Variants in FAM13A observed in about 807,000 individuals in gnomAD.
FAM13A encodes protein FAM13A.
In FAM13A, 76 loss-of-function variants were observed where a neutral mutation model predicts 129.6. The observed-to-expected ratio is 0.59, with a 90% CI of 0.49 to 0.71. The LOEUF (loss-of-function observed/expected upper bound fraction) is 0.71, where lower values mean the gene tolerates loss of function less well. Among genes scored for constraint, FAM13A ranks in the 30% least tolerant of loss-of-function variants. FAM13A has a pLI of 0.00. For synonymous variants in FAM13A, 443 were observed against 449.9 expected, an observed-to-expected ratio of 0.98 and a Z score of 0.20; for missense variants, 1,108 against 1,249.3, an observed-to-expected ratio of 0.89 and a Z score of 1.70.
At chr4:88,883,314 C>G (rs1392789735) in intron 6 of FAM13A, among the ~76,000 whole-genome samples, 1 of 151,888 alleles carries the variant, frequency 6.6e-6, no homozygotes, top group Non-Finnish European at 1.5e-5. Context: ...ATCAAGTATG[C>G]TCTCAAGCCA....
At chr4:88,912,613 G>C (rs1749270291) in intron 5 of FAM13A, among the ~76,000 whole-genome samples, 1 of 148,686 alleles carries the variant, frequency 6.7e-6, no homozygotes, top group Non-Finnish European at 1.5e-5. Context: ...ACCTCCTATT[G>C]GTTTTCTCTG....
intron 7 of FAM13A, among the ~76,000 whole-genome samples, chr4:88,833,055 AG>A (rs1189467594): frequency 6.6e-6 from 1 of 152,248 alleles, no homozygotes; most frequent in Non-Finnish European, 1.5e-5. Context: ...AGTCGTAAAA[AG>A]GAACAAGATC....
At chr4:88,777,365 G>T (rs1160890375) in intron 11 of FAM13A, among the ~76,000 whole-genome samples, 1 of 152,122 alleles carries the variant, frequency 6.6e-6, no homozygotes, top group Non-Finnish European at 1.5e-5. Context: ...GAGGGAAGTT[G>T]AAACAGAAGC....
intron 5 of FAM13A, among the ~76,000 whole-genome samples, chr4:88,907,166 C>A (rs551926370): frequency 6.6e-6 from 1 of 152,094 alleles, no homozygotes; most frequent in Non-Finnish European, 1.5e-5. Context: ...GCCTCACTTC[C>A]GAATAGCCAT....
chr4:88,732,216 C>A lies in FAM13A; in HGVS notation c.2647-18G>T. ...TCTTCTTCCTGGAGATACACAGCAA[C>A]CCCAATAAAAATCTGGTCACTTTTT... On this transcript the variant is annotated intron_variant, in intron 21 of 23. Coordinates refer to ENST00000264344, the MANE Select transcript of FAM13A (RefSeq NM_014883.4). 1.3e-6 allele frequency: 2 copies of A among 1,566,448 alleles called. No homozygotes were observed. The highest frequency in any genetic ancestry group is 2.4e-5 in the South Asian group (2 of 84,340).
chr4:88,927,670 A>G (rs918923467), intron 5 of FAM13A, among the ~76,000 whole-genome samples: 13 of 151,638 alleles, frequency 8.6e-5, no homozygotes, highest in African/African-American at 3.2e-4. Flanking sequence ...ATAGTCTTTG[A>G]TGATTTTTTT....
intron 7 of FAM13A, among the ~76,000 whole-genome samples, chr4:88,809,976 T>G (rs1242453321): frequency 6.6e-6 from 1 of 152,098 alleles, no homozygotes; most frequent in African/African-American, 2.4e-5. Context: ...TTCTTTTTTG[T>G]AAACCCAGGC....
intron 11 of FAM13A, among the ~76,000 whole-genome samples, chr4:88,779,253 A>G (rs1722369260): frequency 6.6e-6 from 1 of 152,170 alleles, no homozygotes; most frequent in Admixed American, 6.6e-5. Flanking sequence ...TTTAAGCTAT[A>G]GAAACAAATG....
At chr4:88,777,769 C>A (rs1578608358) in intron 11 of FAM13A, among the ~76,000 whole-genome samples, 1 of 152,198 alleles carries the variant, frequency 6.6e-6, no homozygotes, top group South Asian at 2.1e-4. Context: ...CAGTTACTCT[C>A]CTACCATCTT....
intron 13 of FAM13A, among the ~76,000 whole-genome samples, chr4:88,767,063 T>C (rs1179443971): frequency 6.6e-6 from 1 of 152,116 alleles, no homozygotes; most frequent in African/African-American, 2.4e-5. Flanking sequence ...AAGATACAGA[T>C]GACATAAGGG....
At chr4:88,864,308 G>A (rs1740011640) in intron 6 of FAM13A, among the ~76,000 whole-genome samples, 1 of 152,160 alleles carries the variant, frequency 6.6e-6, no homozygotes, top group Non-Finnish European at 1.5e-5. Flanking sequence ...GGATGTTGGT[G>A]GAACTTCAAA....
intron 23 of FAM13A, chr4:88,729,588 A>T (rs533321355): frequency 6.6e-6 from 1 of 152,338 alleles, no homozygotes; most frequent in South Asian, 2.1e-4. Flanking sequence ...CAGGGCAAGG[A>T]ACAGGTGCTC....
chr4:88,787,806 T>A lies in FAM13A; in HGVS notation c.1218A>T (p.Arg406Ser). The A allele has an allele frequency of 6.2e-7, 1 of 1,613,692 alleles. No individual in the cohort carries two copies. The highest frequency in any genetic ancestry group is 8.5e-7 in the Non-Finnish European group (1 of 1,179,732). Reference sequence around the variant, plus strand: ...GCTCCTTGGACTGGCGGCGGCGCTGTCTGGCAGATGTGGCAGAAGATGCTG... The same window carrying A: ...GCTCCTTGGACTGGCGGCGGCGCTGACTGGCAGATGTGGCAGAAGATGCTG... ...TLSASSATSA[R>S]QRRRQSKEQD... Residue 406 changes from arginine to serine, a missense_variant, in exon 10 of 24, where the codon AGA (arginine) becomes AGT (serine). By Grantham distance (110) the Arg-to-Ser change is moderately radical (BLOSUM62 -1). Around this residue, in one of 3 missense-constraint regions of FAM13A, gnomAD observed 566 missense variants for 595.7 expected, o/e 0.95. Transcript: ENST00000264344.
At chr4:88,818,732 G>T (rs1731285267) in intron 7 of FAM13A, among the ~76,000 whole-genome samples, 1 of 152,186 alleles carries the variant, frequency 6.6e-6, no homozygotes, top group African/African-American at 2.4e-5. Context: ...CTCCCTCCCA[G>T]ACTGTGTTTG....
At chr4:88,870,448 A>G (rs1741169343) in intron 6 of FAM13A, among the ~76,000 whole-genome samples, 2 of 152,204 alleles carry the variant, frequency 1.3e-5, no homozygotes, top group Admixed American at 1.3e-4. Flanking sequence ...CAATTTTCCA[A>G]CAGTCTTAGC....
At chr4:88,927,197 G>A (rs898775001) in intron 5 of FAM13A, among the ~76,000 whole-genome samples, 2 of 150,710 alleles carry the variant, frequency 1.3e-5, no homozygotes, top group Admixed American at 1.3e-4. Flanking sequence ...ATATTCCTAT[G>A]TATATTTTTT....
chr4:89,015,149 A>C (rs1043443239), intron 3 of FAM13A, among the ~76,000 whole-genome samples: 2 of 152,144 alleles, frequency 1.3e-5, no homozygotes, highest in Non-Finnish European at 2.9e-5. Context: ...TTTTGGTCAG[A>C]CTGGTTGTCT....
At position 89,057,042 on chromosome 4, in the gene FAM13A, T is replaced by C; in HGVS notation, c.-78A>G. The C allele has an allele frequency of 1.1e-5, 17 of 1,600,104 alleles. No homozygotes were observed. Among genetic ancestry groups the C allele is most frequent in the Non-Finnish European group, 1.4e-5 (17 of 1,174,744 alleles). Reference sequence around the variant, plus strand: ...ACGACAGCAAAATACTAAAATTCCATTCAGCACATATTCTTTGATGTGAAA... The same window carrying C: ...ACGACAGCAAAATACTAAAATTCCACTCAGCACATATTCTTTGATGTGAAA... On this transcript the variant is annotated 5_prime_UTR_variant, in exon 1 of 24. It removes an upstream start codon present in the reference 5' UTR. Coordinates refer to ENST00000264344, the MANE Select transcript of FAM13A (RefSeq NM_014883.4).
chr4:88,792,984 C>T (rs1202588766), intron 8 of FAM13A, among the ~76,000 whole-genome samples: 2 of 151,986 alleles, frequency 1.3e-5, no homozygotes, highest in African/African-American at 4.8e-5. Flanking sequence ...TCTTAATGTG[C>T]ATAGGAATCA....
Sources: allele counts gnomAD v4.1 joint callset (sites outside exome capture counted in the v4.1 genomes callset), GRCh38; gene constraint gnomAD v4.1.1; regional missense constraint gnomAD v4.1.1; transcripts MANE v1.5; gene names NCBI Gene and HGNC (gene_info 2026-07-23, HGNC 2026-07-21).